The following MARF1 variants were observed in gnomAD, a reference collection of about 807,000 sequenced individuals.
MARF1 encodes limkain-b1.
MARF1 carries 24 observed loss-of-function variants against 168.2 expected under a neutral mutation model. The ratio of observed to expected loss-of-function variants is 0.14; its 90% CI spans 0.10 to 0.20. The LOEUF (loss-of-function observed/expected upper bound fraction) is 0.20. Among genes scored for constraint, MARF1 ranks in the 10% least tolerant of loss-of-function variants. The pLI, the probability that MARF1 is intolerant of heterozygous loss-of-function variation, is 1.00. For missense variants in MARF1, 1,744 were observed against 2,143.6 expected (o/e 0.81, Z 3.68); for synonymous variants, 868 against 822.4 (o/e 1.06, Z -0.95).
chr16:15,608,767 C>A, intron 20 of MARF1: 2 of 472,096 alleles, frequency 4.2e-6, no homozygotes, highest in Admixed American at 3.7e-5. Context: ...TGTATTGTGC[C>A]ACAATAAAAC....
chr16:15,642,424 C>T (rs2036067016), intron 1 of MARF1: 2 of 152,158 alleles, frequency 1.3e-5, no homozygotes, highest in African/African-American at 4.8e-5. Context: ...GTTTAGGTTT[C>T]AATACACCGA....
chr16:15,635,433 A>G, intron 3 of MARF1: 1 of 546,432 alleles, frequency 1.8e-6, no homozygotes, highest in South Asian at 2.8e-5. Context: ...GAGGCTCTAA[A>G]AGTATAAACT....
intron 10 of MARF1, among the ~76,000 whole-genome samples, chr16:15,624,462 T>C (rs1278909945): frequency 1.3e-5 from 2 of 152,184 alleles, no homozygotes; most frequent in African/African-American, 2.4e-5. Flanking sequence ...GTTTGGGCTT[T>C]TTCCTCAACA....
chr16:15,602,341 A>G (rs998937395), intron 22 of MARF1, 138 bp from the exon 23 acceptor site: 1 of 658,794 alleles, frequency 1.5e-6, no homozygotes, highest in Non-Finnish European at 2.6e-6. Context: ...CGAAGATGAG[A>G]AGATGAAGAT....
At chr16:15,614,725 G>A (rs1284652625) in intron 16 of MARF1, among the ~76,000 whole-genome samples, 5 of 152,046 alleles carry the variant, frequency 3.3e-5, no homozygotes, top group African/African-American at 7.2e-5. Flanking sequence ...CTCAGGAGGC[G>A]GAGCTTGCAG....
At chr16:15,614,955 A>G (rs557190053) in intron 16 of MARF1, among the ~76,000 whole-genome samples, 1 of 152,000 alleles carries the variant, frequency 6.6e-6, no homozygotes, top group Middle Eastern at 3.4e-3. Context: ...TGATTTTTCT[A>G]TTTTTAGTAG....
intron 12 of MARF1, 141 bp downstream of exon 12, chr16:15,621,592 G>T: frequency 1.2e-6 from 1 of 832,940 alleles, no homozygotes; most frequent in Non-Finnish European, 1.8e-6. Flanking sequence ...GTTTCTAACT[G>T]TATCAATCTA....
chr16:15,630,791 T>G (rs1156852203), intron 6 of MARF1, among the ~76,000 whole-genome samples: 2 of 149,856 alleles, frequency 1.3e-5, no homozygotes, highest in Admixed American at 1.3e-4. Context: ...TTATTAATAC[T>G]GAGCACAAGG....
intron 16 of MARF1, among the ~76,000 whole-genome samples, chr16:15,615,547 C>T (rs2033976856): frequency 6.6e-6 from 1 of 152,126 alleles, no homozygotes; most frequent in South Asian, 2.1e-4. Context: ...ATCACTTGAA[C>T]CCGGGAGGCA....
intron 6 of MARF1, among the ~76,000 whole-genome samples, 174 bp downstream of exon 6, chr16:15,631,206 AG>A (rs1419705844): frequency 3.3e-5 from 5 of 152,230 alleles, no homozygotes; most frequent in Non-Finnish European, 7.3e-5. Context: ...GAGGAAATAC[AG>A]AAATCCACCT....
intron 2 of MARF1, among the ~76,000 whole-genome samples, chr16:15,636,909 C>A (rs1416386981): frequency 6.6e-6 from 1 of 152,104 alleles, no homozygotes; most frequent in African/African-American, 2.4e-5. Flanking sequence ...CCTAAGATAT[C>A]ATGACCTAAA....
rs201291555 is a variant in MARF1, at chr16:15,608,564, G to A, written c.3955-46C>T. ...AGGAAAGGGAAAATAAACAAATCAC[G>A]GGTGTTTACAGAATAGCAAAAAAAG... On this transcript the variant is annotated intron_variant, in intron 20 of 26. Transcript: ENST00000396368. 4.4e-4 allele frequency: 627 copies of A among 1,431,064 alleles called. 1 individual carries two copies. The highest frequency in any genetic ancestry group is 3.5e-3 in the Middle Eastern group (20 of 5,724). 88.6% of individuals were successfully genotyped at this position (1,431,064 alleles called of 1,614,324 possible). A position where few individuals can be genotyped will look rare whatever the true frequency, so the allele number is the denominator to read the frequency against.
intron 1 of MARF1, chr16:15,642,310 CTA>C (rs1490504892): frequency 2.6e-5 from 4 of 152,134 alleles, no homozygotes; most frequent in African/African-American, 7.2e-5. Flanking sequence ...ACAGCAGAGA[CTA>C]TGTTTTCTTA....
chr16:15,607,742 G>A (rs2033138411), intron 21 of MARF1, among the ~76,000 whole-genome samples: 1 of 152,168 alleles, frequency 6.6e-6, no homozygotes, highest in African/African-American at 2.4e-5. Flanking sequence ...CCGAAAACTG[G>A]CAGCTGCTCT....
intron 7 of MARF1, among the ~76,000 whole-genome samples, chr16:15,627,487 G>A (rs1384465586): frequency 2.0e-5 from 3 of 151,874 alleles, no homozygotes; most frequent in Middle Eastern, 3.2e-3. Context: ...GCGTGGTGGC[G>A]GGCGCCTGTA....
intron 19 of MARF1, 48 bp downstream of exon 19, chr16:15,610,927 A>T: frequency 6.3e-7 from 1 of 1,577,662 alleles, no homozygotes; most frequent in Non-Finnish European, 8.7e-7. Flanking sequence ...CTATGTTAAA[A>T]TAACAGGAGA....
At chr16:15,603,484 T>G (rs1467319859) in intron 22 of MARF1, among the ~76,000 whole-genome samples, 1 of 152,110 alleles carries the variant, frequency 6.6e-6, no homozygotes, top group African/African-American at 2.4e-5. Flanking sequence ...CCAGAATGGT[T>G]TTTTAAAAGG....
chr16:15,625,732 C>T lies in MARF1; in HGVS notation c.1593G>A (p.Arg531=). Residue 531 remains arginine (R), a synonymous_variant, in exon 8 of 27, where the codon AGG becomes AGA. Transcript: ENST00000396368. ...ANKDGKSVSN[R]LRRLSDNCGG... is the part of the protein sequence containing the mutation. Reference sequence around the variant, plus strand: ...CACAATTATCGGACAGGCGTCTGAGCCTGTTGCTGACGCTCTTGCCATCCT... The same window carrying T: ...CACAATTATCGGACAGGCGTCTGAGTCTGTTGCTGACGCTCTTGCCATCCT... The T allele has an allele frequency of 6.2e-7, 1 of 1,614,122 alleles. No homozygotes were observed. The highest frequency in any genetic ancestry group is 8.5e-7 in the Non-Finnish European group (1 of 1,180,004).
At chr16:15,635,485 C>T (rs2035528009) in intron 3 of MARF1, 171 bp downstream of exon 3, 11 of 612,032 alleles carry the variant, frequency 1.8e-5, no homozygotes, top group Non-Finnish European at 3.1e-5. Context: ...GATCTCCCAT[C>T]TTACCCTTTG....
Sources: allele counts gnomAD v4.1 joint callset (sites outside exome capture counted in the v4.1 genomes callset), GRCh38; gene constraint gnomAD v4.1.1; transcripts MANE v1.5; gene names NCBI Gene and HGNC (gene_info 2026-07-23, HGNC 2026-07-21).